The following GRM8 variants were observed in gnomAD, a reference collection of about 807,000 sequenced individuals.
GRM8 encodes the protein glutamate metabotropic receptor 8.
Under a neutral mutation model 87.2 loss-of-function variants are expected in GRM8, and 47 were observed. The observed-to-expected ratio is 0.54, with a 90% confidence interval of 0.43 to 0.69. GRM8 has a LOEUF of 0.69. Among genes scored for constraint, GRM8 ranks in the 30% least tolerant of loss-of-function variants. The pLI is 0.00. For synonymous variants in GRM8, 396 were observed against 404.5 expected (o/e 0.98, Z 0.25); for missense variants, 1,019 against 1,139.2 (o/e 0.89, Z 1.52).
intron 2 of GRM8, among the ~76,000 whole-genome samples, chr7:127,114,683 A>G (rs997368454): frequency 1.3e-5 from 2 of 152,246 alleles, no homozygotes; most frequent in Non-Finnish European, 2.9e-5. Flanking sequence ...GCAAATCATG[A>G]GACACACTTT....
chr7:126,882,072 T>G (rs1017881281), intron 6 of GRM8, among the ~76,000 whole-genome samples: 1 of 152,180 alleles, frequency 6.6e-6, no homozygotes, highest in Non-Finnish European at 1.5e-5. Flanking sequence ...ACTAGTGACT[T>G]GGATGCCATT....
chr7:126,525,136 T>C lies in GRM8; in HGVS notation c.2430+7816A>G, dbSNP rs183134973. On this transcript the variant is annotated intron_variant, in intron 9 of 10. Transcript: ENST00000339582. ...TTACTGGTGGGGTCTGTTTTCTTTGTTTGAGAGGGCTGACTATGAACTTGT... is the reference window on the plus strand; with the variant it reads ...TTACTGGTGGGGTCTGTTTTCTTTGCTTGAGAGGGCTGACTATGAACTTGT... Among the ~76,000 whole-genome samples, 458 of 152,292 alleles carry C rather than the reference T, an allele frequency of 3.0e-3. 2 individuals are homozygous for C. Among genetic ancestry groups the C allele is most frequent in the Non-Finnish European group, 3.5e-3 (240 of 68,028 alleles).
intron 2 of GRM8, among the ~76,000 whole-genome samples, chr7:127,166,583 C>T (rs62468883): frequency 0.021 from 3,192 of 152,116 alleles, 72 homozygotes; most frequent in Non-Finnish European, 0.028. Flanking sequence ...CCAGGAAAGG[C>T]GGCGATGGGA....
intron 3 of GRM8, among the ~76,000 whole-genome samples, chr7:126,918,437 A>G (rs1182144762): frequency 6.6e-6 from 1 of 152,214 alleles, no homozygotes; most frequent in Admixed American, 6.5e-5. Flanking sequence ...CTTTTCCACA[A>G]TAAGAAGCAG....
intron 7 of GRM8, among the ~76,000 whole-genome samples, chr7:126,642,655 A>G (rs1238096957): frequency 6.6e-6 from 1 of 152,052 alleles, no homozygotes; most frequent in Non-Finnish European, 1.5e-5. Context: ...AATAATAATA[A>G]TAACAATAAT....
intron 8 of GRM8, among the ~76,000 whole-genome samples, chr7:126,544,665 A>G (rs1026905070): frequency 1.3e-5 from 2 of 151,978 alleles, no homozygotes; most frequent in Admixed American, 6.6e-5. Context: ...GCACGCCACC[A>G]CGCCCTGCTA....
chr7:126,843,560 G>A (rs1212843566), intron 6 of GRM8, among the ~76,000 whole-genome samples: 1 of 152,236 alleles, frequency 6.6e-6, no homozygotes, highest in Non-Finnish European at 1.5e-5. Context: ...AGCTGAAGCT[G>A]GGCTGTGATT....
chr7:126,651,981 A>G (rs949627773), intron 7 of GRM8, among the ~76,000 whole-genome samples: 1 of 152,206 alleles, frequency 6.6e-6, no homozygotes, highest in Non-Finnish European at 1.5e-5. Context: ...CTGAAGGCAA[A>G]GGGAATACAG....
intron 2 of GRM8, among the ~76,000 whole-genome samples, chr7:127,170,117 T>A (rs948576539): frequency 6.6e-6 from 1 of 152,098 alleles, no homozygotes; most frequent in Non-Finnish European, 1.5e-5. Context: ...CTGGGCAAAA[T>A]ATGTAGAAAA....
intron 3 of GRM8, among the ~76,000 whole-genome samples, chr7:126,933,329 T>G (rs561771895): frequency 1.6e-4 from 24 of 152,352 alleles, no homozygotes; most frequent in African/African-American, 5.5e-4. Flanking sequence ...TAGTACATCC[T>G]GGAAAGAGTT....
chr7:127,168,923 G>T (rs992125781), intron 2 of GRM8, among the ~76,000 whole-genome samples: 8 of 151,886 alleles, frequency 5.3e-5, no homozygotes, highest in African/African-American at 1.9e-4. Flanking sequence ...ACGGGTTGAT[G>T]GGCGCAGCAA....
intron 3 of GRM8, among the ~76,000 whole-genome samples, chr7:127,053,797 A>AGG (rs1563456930): frequency 2.7e-4 from 15 of 55,094 alleles, no homozygotes; most frequent in South Asian, 5.9e-4. Context: ...CAAAAAAAAA[A>AGG]AGGGGGGGGG....
At chr7:127,149,171 A>G (rs1037735487) in intron 2 of GRM8, among the ~76,000 whole-genome samples, 1 of 152,078 alleles carries the variant, frequency 6.6e-6, no homozygotes, top group African/African-American at 2.4e-5. Flanking sequence ...ACTGCAAACT[A>G]TATATCTGAT....
At chr7:126,656,689 CAAAA>C (rs1311837698) in intron 7 of GRM8, among the ~76,000 whole-genome samples, 1 of 151,176 alleles carries the variant, frequency 6.6e-6, no homozygotes, top group Non-Finnish European at 1.5e-5. Context: ...AATAAAAAAA[CAAAA>C]GACCTACCAA....
At chr7:126,875,439 T>C (rs901830888) in intron 6 of GRM8, among the ~76,000 whole-genome samples, 1 of 152,160 alleles carries the variant, frequency 6.6e-6, no homozygotes, top group African/African-American at 2.4e-5. Context: ...TCCTCCGCAT[T>C]GGTGTCTCCT....
rs146162858 is a variant in GRM8 at position 127,218,616 on chromosome 7, C to A, written c.510+24079G>T. On this transcript the variant is annotated intron_variant, in intron 2 of 10. Coordinates refer to ENST00000339582, the MANE Select transcript of GRM8 (RefSeq NM_000845.3). ...CATAGTGAGCGTCAGCCATGATGAT[C>A]CAGCCTCCCTTTCTCCAGGCTTGGG... Among the ~76,000 whole-genome samples the A allele has an allele frequency of 3.5e-3, 531 of 152,276 alleles. 1 individual carries two copies. The highest frequency in any genetic ancestry group is 6.4e-3 in the Non-Finnish European group (432 of 68,018).
chr7:127,235,323 A>T (rs540338795), intron 2 of GRM8, among the ~76,000 whole-genome samples: 48 of 152,364 alleles, frequency 3.2e-4, no homozygotes, highest in African/African-American at 1.1e-3. Context: ...CTGTCTGAGC[A>T]TATGACCACC....
chr7:126,861,444 T>G (rs1798127095), intron 6 of GRM8, among the ~76,000 whole-genome samples: 1 of 152,026 alleles, frequency 6.6e-6, no homozygotes, highest in Non-Finnish European at 1.5e-5. Flanking sequence ...GAATGCAAAT[T>G]TTCAACATTA....
intron 7 of GRM8, among the ~76,000 whole-genome samples, chr7:126,620,830 A>G (rs914799240): frequency 3.9e-5 from 6 of 152,226 alleles, no homozygotes; most frequent in Admixed American, 2.6e-4. Flanking sequence ...GCAAAACACA[A>G]TGTAAAAATA....
Sources: allele counts gnomAD v4.1 joint callset (sites outside exome capture counted in the v4.1 genomes callset), GRCh38; gene constraint gnomAD v4.1.1; transcripts MANE v1.5; gene names NCBI Gene and HGNC (gene_info 2026-07-23, HGNC 2026-07-21).